TBC1D4: variants seen among roughly 807,000 people sequenced by gnomAD.
The protein encoded by TBC1D4 is TBC (Tre-2, BUB2, CDC16) domain-containing protein.
Under a neutral mutation model 142.5 loss-of-function variants are expected in TBC1D4, and 121 were observed. The observed-to-expected ratio is 0.85, with a 90% CI of 0.73 to 0.99. The LOEUF is 0.99. Ranked by LOEUF, TBC1D4 falls within the 50% of genes least tolerant of loss-of-function variation. The pLI is 0.00. For synonymous variants in TBC1D4, 630 were observed against 628.2 expected (o/e 1.00, Z -0.04); for missense variants, 1,475 against 1,606.6 (o/e 0.92, Z 1.40).
intron 1 of TBC1D4, among the ~76,000 whole-genome samples, chr13:75,437,541 G>T (rs1416285809): frequency 1.3e-5 from 2 of 151,962 alleles, no homozygotes; most frequent in East Asian, 3.9e-4. Flanking sequence ...CACAGTATCA[G>T]CAGTGCAGTA....
intron 1 of TBC1D4, among the ~76,000 whole-genome samples, chr13:75,462,922 T>C (rs567853703): frequency 5.3e-5 from 8 of 152,276 alleles, no homozygotes; most frequent in Admixed American, 3.3e-4. Context: ...CTATTGGTAT[T>C]ATCTAGCTTC....
At chr13:75,412,867 A>C (rs1885738191) in intron 1 of TBC1D4, among the ~76,000 whole-genome samples, 1 of 152,268 alleles carries the variant, frequency 6.6e-6, no homozygotes, top group Non-Finnish European at 1.5e-5. Context: ...AGGCAACATC[A>C]TAATTCTCCA....
intron 1 of TBC1D4, chr13:75,377,336 T>C (rs888768758): frequency 5.3e-5 from 8 of 152,192 alleles, no homozygotes; most frequent in African/African-American, 2.4e-5. Flanking sequence ...TCCAAAACCA[T>C]AGAACGAAGA....
chr13:75,335,702 TTCTC>T (rs1166406308), intron 8 of TBC1D4, among the ~76,000 whole-genome samples: 19 of 152,012 alleles, frequency 1.2e-4, no homozygotes, highest in Admixed American at 1.2e-3. Context: ...CACCTCCTCA[TTCTC>T]TCTCTCTTGT....
chr13:75,302,176 C>A (rs1398427133), intron 16 of TBC1D4, 67 bp downstream of exon 16: 20 of 1,603,734 alleles, frequency 1.2e-5, no homozygotes, highest in Middle Eastern at 1.9e-4. Flanking sequence ...CAAACAAAAA[C>A]CAAAAAAACT....
At chr13:75,440,187 T>A (rs1886975973) in intron 1 of TBC1D4, among the ~76,000 whole-genome samples, 1 of 152,032 alleles carries the variant, frequency 6.6e-6, no homozygotes, top group Non-Finnish European at 1.5e-5. Flanking sequence ...CGATAAGTGT[T>A]ATAACTGGAA....
chr13:75,310,184 TAGC>T, intron 13 of TBC1D4, 33 bp from the exon 14 acceptor site: 1 of 1,598,600 alleles, frequency 6.3e-7, no homozygotes, highest in Non-Finnish European at 8.5e-7. Context: ...AGGCATTCCT[TAGC>T]AGTAACCCAG....
At chr13:75,327,200 T>C (rs926362785) in intron 9 of TBC1D4, among the ~76,000 whole-genome samples, 3 of 152,162 alleles carry the variant, frequency 2.0e-5, no homozygotes, top group African/African-American at 7.2e-5. Flanking sequence ...AATAGACTCA[T>C]AGCTGGACTA....
chr13:75,334,320 T>C (rs1328260392), intron 8 of TBC1D4, among the ~76,000 whole-genome samples: 3 of 152,124 alleles, frequency 2.0e-5, no homozygotes, highest in African/African-American at 7.2e-5. Flanking sequence ...AACACCAAGA[T>C]GTTCTGGGAT....
chr13:75,356,353 G>A (rs1292751124), intron 3 of TBC1D4, 102 bp from the exon 4 acceptor site: 15 of 839,446 alleles, frequency 1.8e-5, no homozygotes, highest in East Asian at 1.6e-4. Context: ...ACAGTTCTAC[G>A]AATTTCTCCT....
intron 1 of TBC1D4, among the ~76,000 whole-genome samples, chr13:75,407,310 A>C (rs765696092): frequency 6.6e-6 from 1 of 152,208 alleles, no homozygotes; most frequent in Non-Finnish European, 1.5e-5. Flanking sequence ...AGGACATTAA[A>C]ATCTCCAGGA....
rs145991562 is a variant in TBC1D4 at position 75,439,762 on chromosome 13, C to T, written c.498+41508G>A. On this transcript the variant is annotated intron_variant, in intron 1 of 20. Transcript: ENST00000377636. ...TACAAAAATACAAAAATTAGCCAGG[C>T]ATGGTGGCACGTGCCTATAATCCCA... 9.6e-3 allele frequency among the ~76,000 whole-genome samples: 1,458 copies of T among 152,034 alleles called. 29 individuals are homozygous for T. The highest frequency in any genetic ancestry group is 0.034 in the African/African-American group (1,402 of 41,464).
chr13:75,351,939 G>C (rs1411285065), intron 4 of TBC1D4, among the ~76,000 whole-genome samples: 1 of 152,160 alleles, frequency 6.6e-6, no homozygotes, highest in Non-Finnish European at 1.5e-5. Flanking sequence ...ATATTTGTTA[G>C]ATTTTAAGCC....
At chr13:75,394,667 T>G (rs530172990) in intron 1 of TBC1D4, among the ~76,000 whole-genome samples, 2 of 152,350 alleles carry the variant, frequency 1.3e-5, no homozygotes, top group African/African-American at 4.8e-5. Context: ...TTGCGAATCT[T>G]TAAAAAAATT....
chr13:75,369,064 AAGAG>A (rs1883083754), intron 1 of TBC1D4, among the ~76,000 whole-genome samples: 1 of 152,126 alleles, frequency 6.6e-6, no homozygotes, highest in Admixed American at 6.5e-5. Context: ...GAGAGAAAAA[AAGAG>A]AGAGAGAATA....
intron 19 of TBC1D4, 98 bp downstream of exon 19, chr13:75,292,004 A>G: frequency 9.7e-7 from 1 of 1,034,436 alleles, no homozygotes; most frequent in Non-Finnish European, 1.4e-6. Flanking sequence ...ATCTGATGAA[A>G]ATATCTGTCA....
At chr13:75,347,339 C>T (rs1394608835) in intron 5 of TBC1D4, among the ~76,000 whole-genome samples, 1 of 152,180 alleles carries the variant, frequency 6.6e-6, no homozygotes, top group African/African-American at 2.4e-5. Flanking sequence ...TTTCCTACTG[C>T]GTGGTTTTAT....
rs112215750 is a variant in TBC1D4 at position 75,364,004 on chromosome 13, G to A, written c.499-1397C>T. On this transcript the variant is annotated intron_variant, in intron 1 of 20. Coordinates refer to ENST00000377636, the MANE Select transcript of TBC1D4 (RefSeq NM_014832.5). ...TACAGCTTGGTTTTCTACATGTTAGGGAGACATGAGACATCAATCAGTATA... is the reference window on the plus strand; with the variant it reads ...TACAGCTTGGTTTTCTACATGTTAGAGAGACATGAGACATCAATCAGTATA... Among the ~76,000 whole-genome samples, 960 of 152,272 alleles carry A rather than the reference G, an allele frequency of 6.3e-3. 17 individuals are homozygous for A. Among genetic ancestry groups the A allele is most frequent in the African/African-American group, 0.021 (867 of 41,560 alleles).
chr13:75,328,624 C>T (rs1380019744), intron 8 of TBC1D4, among the ~76,000 whole-genome samples: 2 of 152,130 alleles, frequency 1.3e-5, no homozygotes, highest in Non-Finnish European at 2.9e-5. Context: ...AAAGACAAAA[C>T]ACAGACTGAG....
Sources: gnomAD v4.1 joint callset for allele counts (sites outside exome capture counted in the v4.1 genomes callset) on GRCh38, gnomAD v4.1.1 for gene constraint, MANE v1.5 for transcripts, NCBI Gene and HGNC (gene_info 2026-07-23, HGNC 2026-07-21) for gene names.